ATRNL1: variants seen among roughly 807,000 people sequenced by gnomAD.
ATRNL1 encodes the protein attractin-like protein 1.
ATRNL1 carries 95 observed loss-of-function variants against 182.7 expected under a neutral mutation model. The ratio of observed to expected loss-of-function variants is 0.52; its 90% CI spans 0.44 to 0.62. The LOEUF (loss-of-function observed/expected upper bound fraction) is 0.62. ATRNL1 is among the 20% of genes least tolerant of loss of function. The pLI, the probability that ATRNL1 is intolerant of heterozygous loss-of-function variation, is 0.00. For synonymous variants in ATRNL1, 576 were observed against 568.3 expected (o/e 1.01, Z -0.19); for missense variants, 1,471 against 1,679.5 (o/e 0.88, Z 2.17).
intron 27 of ATRNL1, among the ~76,000 whole-genome samples, chr10:115,839,377 C>G (rs1269233291): frequency 6.6e-6 from 1 of 152,118 alleles, no homozygotes; most frequent in Non-Finnish European, 1.5e-5. Flanking sequence ...GAATCCCAGT[C>G]ATGGCCAGGA....
At chr10:115,675,759 C>T (rs1421285152) in intron 26 of ATRNL1, among the ~76,000 whole-genome samples, 4 of 152,114 alleles carry the variant, frequency 2.6e-5, no homozygotes, top group Non-Finnish European at 5.9e-5. Context: ...ATGAGTGCTA[C>T]TGTGTGCCAG....
intron 24 of ATRNL1, among the ~76,000 whole-genome samples, chr10:115,472,115 T>C (rs2134576118): frequency 6.6e-6 from 1 of 150,898 alleles, no homozygotes; most frequent in East Asian, 1.9e-4. Context: ...TGTGTTTCCT[T>C]TACTATTTAT....
chr10:115,275,630 C>T (rs1852070659), intron 13 of ATRNL1, among the ~76,000 whole-genome samples: 1 of 152,114 alleles, frequency 6.6e-6, no homozygotes, highest in Non-Finnish European at 1.5e-5. Flanking sequence ...TTTATGTTTC[C>T]CAATTCAGTG....
chr10:115,146,008 C>G (rs1554879253), intron 5 of ATRNL1, among the ~76,000 whole-genome samples: 2 of 151,822 alleles, frequency 1.3e-5, no homozygotes, highest in African/African-American at 4.8e-5. Context: ...TGTAAGAAAA[C>G]AAACTGAAGT....
chr10:115,394,558 A>T (rs182411947), intron 19 of ATRNL1, 101 bp from the exon 20 acceptor site: 1 of 866,144 alleles, frequency 1.2e-6, no homozygotes, highest in African/African-American at 1.7e-5. Flanking sequence ...GGCAAGAGGA[A>T]GTTACAGGAC....
chr10:115,115,063 A>G (rs1345487483), intron 1 of ATRNL1, among the ~76,000 whole-genome samples: 1 of 152,160 alleles, frequency 6.6e-6, no homozygotes, highest in Non-Finnish European at 1.5e-5. Flanking sequence ...AAGGGACAAA[A>G]TCCTGTCATT....
intron 1 of ATRNL1, among the ~76,000 whole-genome samples, chr10:115,098,506 G>T (rs1020118921): frequency 1.4e-5 from 2 of 138,472 alleles, no homozygotes; most frequent in African/African-American, 2.9e-5. Context: ...CTGTCACCCA[G>T]GCTGGAGTGC....
At chr10:115,151,618 G>GC (rs1327504940) in intron 5 of ATRNL1, among the ~76,000 whole-genome samples, 4 of 151,940 alleles carry the variant, frequency 2.6e-5, no homozygotes, top group Non-Finnish European at 5.9e-5. Context: ...CTGGATATTA[G>GC]CCCTTTGCCA....
chr10:115,672,672 A>G (rs1323172459), intron 26 of ATRNL1, among the ~76,000 whole-genome samples: 2 of 152,040 alleles, frequency 1.3e-5, no homozygotes, highest in Non-Finnish European at 2.9e-5. Flanking sequence ...TTTTTTATGT[A>G]TGGTGCTTAT....
intron 28 of ATRNL1, among the ~76,000 whole-genome samples, chr10:115,857,715 A>C (rs1376322573): frequency 6.6e-6 from 1 of 152,246 alleles, no homozygotes; most frequent in Non-Finnish European, 1.5e-5. Flanking sequence ...AAGCTTAAAG[A>C]ATAGTGAAAA....
At chr10:115,803,881 G>T (rs1345795960) in intron 27 of ATRNL1, among the ~76,000 whole-genome samples, 1 of 152,048 alleles carries the variant, frequency 6.6e-6, no homozygotes, top group Non-Finnish European at 1.5e-5. Flanking sequence ...TTGGGATCAT[G>T]GCCTGGCCAA....
chr10:115,742,962 T>C (rs1948181182), intron 27 of ATRNL1, among the ~76,000 whole-genome samples: 1 of 152,064 alleles, frequency 6.6e-6, no homozygotes, highest in South Asian at 2.1e-4. Context: ...AAAGTTACAA[T>C]GAAGGAGGAA....
intron 5 of ATRNL1, among the ~76,000 whole-genome samples, chr10:115,139,978 T>C (rs1419725251): frequency 1.3e-5 from 2 of 152,184 alleles, no homozygotes; most frequent in East Asian, 1.9e-4. Context: ...AAGGCTAGCC[T>C]ACAGCAAAGA....
At chr10:115,278,441 G>A (rs371898722) in intron 13 of ATRNL1, among the ~76,000 whole-genome samples, 2 of 152,302 alleles carry the variant, frequency 1.3e-5, no homozygotes, top group Non-Finnish European at 1.5e-5. Flanking sequence ...AGTATTTTTA[G>A]ACAGAAAAAG....
chr10:115,847,909 T>C lies in ATRNL1; in HGVS notation c.3936T>C (p.Cys1312=), dbSNP rs200922929. Residue 1312 remains cysteine, a synonymous_variant, in exon 28 of 29, where the codon TGT becomes TGC. Transcript: ENST00000355044. Reference sequence around the variant, plus strand: ...CCAAGCCAATTGCCATTGAACCATGTGCTGGGAACAGAGCTGCTGTTCTGA... The same window carrying C: ...CCAAGCCAATTGCCATTGAACCATGCGCTGGGAACAGAGCTGCTGTTCTGA... ...GAPKPIAIEP[C]AGNRAAVLTV... is the part of the protein sequence containing the mutation. The C allele has an allele frequency of 1.9e-5, 30 of 1,612,634 alleles. No homozygotes were observed. The highest frequency in any genetic ancestry group is 2.4e-5 in the Non-Finnish European group (28 of 1,179,030).
At chr10:115,585,821 G>T (rs1252425359) in intron 26 of ATRNL1, among the ~76,000 whole-genome samples, 1 of 65,598 alleles carries the variant, frequency 1.5e-5, no homozygotes, top group African/African-American at 6.8e-5. Context: ...TATTTTGCTG[G>T]TTAGTTGATG....
chr10:115,895,231 G>C (rs1952177077), intron 28 of ATRNL1, among the ~76,000 whole-genome samples: 1 of 152,170 alleles, frequency 6.6e-6, no homozygotes, highest in African/African-American at 2.4e-5. Flanking sequence ...GATCTGAAAT[G>C]AAACAAGAGG....
chr10:115,778,829 A>G (rs1949192606), intron 27 of ATRNL1, among the ~76,000 whole-genome samples: 4 of 152,278 alleles, frequency 2.6e-5, no homozygotes, highest in Admixed American at 2.0e-4. Context: ...TAGAGGCAAA[A>G]TGACCACAAG....
intron 24 of ATRNL1, 23 bp downstream of exon 24, chr10:115,469,352 T>G: frequency 6.9e-7 from 1 of 1,442,102 alleles, no homozygotes; most frequent in East Asian, 2.7e-5. Context: ...AGTATTTACT[T>G]CTAATGACCA....
Sources: gnomAD v4.1 joint callset for allele counts (sites outside exome capture counted in the v4.1 genomes callset) on GRCh38, gnomAD v4.1.1 for gene constraint, MANE v1.5 for transcripts, NCBI Gene and HGNC (gene_info 2026-07-23, HGNC 2026-07-21) for gene names.